The following GPC6 variants were observed in gnomAD, a reference collection of about 807,000 sequenced individuals.
GPC6 encodes the protein glypican 6, also known as glypican-6.
Under a neutral mutation model 55.2 loss-of-function variants are expected in GPC6, and 14 were observed. The ratio of observed to expected loss-of-function variants is 0.25; its 90% CI spans 0.17 to 0.40. The LOEUF is 0.40. Ranked by LOEUF, GPC6 falls within the 10% of genes least tolerant of loss-of-function variation. The pLI is 1.00. For missense variants in GPC6, 641 were observed against 708.5 expected (o/e 0.90, Z 1.08); for synonymous variants, 278 against 259.6 (o/e 1.07, Z -0.68).
chr13:94,246,116 T>C (rs1024705303), intron 4 of GPC6, among the ~76,000 whole-genome samples: 1 of 152,098 alleles, frequency 6.6e-6, no homozygotes, highest in East Asian at 1.9e-4. Flanking sequence ...TGATTAGGGA[T>C]CTTGTGTATC....
At chr13:93,501,887 A>G (rs1880533284) in intron 1 of GPC6, among the ~76,000 whole-genome samples, 1 of 152,142 alleles carries the variant, frequency 6.6e-6, no homozygotes, top group Non-Finnish European at 1.5e-5. Context: ...TCTTTTTTAC[A>G]GTTTTCAGAT....
intron 1 of GPC6, among the ~76,000 whole-genome samples, chr13:93,434,985 G>A (rs566332935): frequency 2.6e-5 from 4 of 152,308 alleles, no homozygotes; most frequent in East Asian, 3.9e-4. Context: ...GATTACAGGT[G>A]TGAGCCACTA....
chr13:94,214,622 A>T (rs1890174673), intron 4 of GPC6, among the ~76,000 whole-genome samples: 1 of 152,128 alleles, frequency 6.6e-6, no homozygotes, highest in Admixed American at 6.5e-5. Context: ...TTGGCCCTCT[A>T]TCTATTTACA....
intron 1 of GPC6, among the ~76,000 whole-genome samples, chr13:93,516,753 CAT>C (rs1299557564): frequency 6.6e-6 from 1 of 152,008 alleles, no homozygotes; most frequent in Non-Finnish European, 1.5e-5. Context: ...TGTATAAGAA[CAT>C]ATATGTGGGA....
intron 1 of GPC6, among the ~76,000 whole-genome samples, chr13:93,350,911 T>C (rs1880608412): frequency 6.6e-6 from 1 of 152,138 alleles, no homozygotes; most frequent in African/African-American, 2.4e-5. Flanking sequence ...TTTCAGATGA[T>C]GACAAAGAGT....
chr13:94,071,465 G>A (rs1047767764), intron 4 of GPC6, among the ~76,000 whole-genome samples: 11 of 152,092 alleles, frequency 7.2e-5, no homozygotes, highest in Non-Finnish European at 2.9e-5. Flanking sequence ...ACTTCCACAT[G>A]CCCTTTGTTC....
chr13:93,581,315 CAG>C (rs1876925980), intron 2 of GPC6, among the ~76,000 whole-genome samples: 1 of 152,138 alleles, frequency 6.6e-6, no homozygotes, highest in South Asian at 2.1e-4. Context: ...CACCTTTCAA[CAG>C]ATAAGAACAC....
chr13:94,107,314 G>A (rs539014533), intron 4 of GPC6, among the ~76,000 whole-genome samples: 21 of 152,204 alleles, frequency 1.4e-4, no homozygotes, highest in Non-Finnish European at 2.4e-4. Context: ...TCATTTTTCC[G>A]GAGTCTCTGT....
intron 1 of GPC6, among the ~76,000 whole-genome samples, chr13:93,393,130 A>ATATAT (rs1481831339): frequency 2.3e-5 from 1 of 43,150 alleles, no homozygotes; most frequent in African/African-American, 5.2e-5. Flanking sequence ...ATATATATAG[A>ATATAT]GAGAGAGAGA....
chr13:94,229,845 A>C (rs1328777059), intron 4 of GPC6, among the ~76,000 whole-genome samples: 2 of 152,222 alleles, frequency 1.3e-5, no homozygotes, highest in African/African-American at 4.8e-5. Flanking sequence ...CTCACTTGAA[A>C]ATCAACACTT....
At chr13:93,798,873 C>T (rs868707688) in intron 2 of GPC6, among the ~76,000 whole-genome samples, 2 of 141,766 alleles carry the variant, frequency 1.4e-5, no homozygotes, top group Non-Finnish European at 3.0e-5. Context: ...GAGCCAAGAT[C>T]GCACCACTGC....
intron 4 of GPC6, among the ~76,000 whole-genome samples, chr13:94,198,828 AC>A (rs1262212285): frequency 1.3e-5 from 2 of 152,042 alleles, no homozygotes; most frequent in East Asian, 3.8e-4. Flanking sequence ...TGTTTGCTCA[AC>A]CCCCTGCCGG....
At position 93,895,214 on chromosome 13, in the gene GPC6, G is replaced by A. The variant is rs866740574; in HGVS notation, c.711+64669G>A. ...TAAGTCCATATATATGTGTGTGTGT[G>A]TGTATGTATGTGTGTGTGTGTATAT... is the stretch of plus-strand genomic sequence containing the variant. On this transcript the variant is annotated intron_variant, in intron 3 of 8. Coordinates refer to ENST00000377047, the MANE Select transcript of GPC6 (RefSeq NM_005708.5). Among the ~76,000 whole-genome samples, 87 of 77,384 alleles carry A rather than the reference G, an allele frequency of 1.1e-3. 2 individuals carry two copies. The Middle Eastern group carries it at 0.044, about 39-fold the overall frequency. The allele number at this position is 77,384 out of a possible 152,430, so 50.8% of individuals were successfully genotyped here. A position where few individuals can be genotyped will look rare whatever the true frequency, so the allele number is the denominator to read the frequency against.
chr13:94,005,369 C>T (rs1374124584), intron 3 of GPC6, among the ~76,000 whole-genome samples: 2 of 152,190 alleles, frequency 1.3e-5, no homozygotes, highest in South Asian at 2.1e-4. Flanking sequence ...CAATGATCTG[C>T]ATAAAATAGT....
chr13:93,671,630 T>C (rs187688337), intron 2 of GPC6, among the ~76,000 whole-genome samples: 29 of 152,062 alleles, frequency 1.9e-4, no homozygotes, highest in Admixed American at 1.9e-3. Context: ...TTGGGTTCTC[T>C]GGTTTTTTTA....
chr13:93,827,197 G>A (rs556512440), intron 2 of GPC6, among the ~76,000 whole-genome samples: 5 of 152,288 alleles, frequency 3.3e-5, no homozygotes, highest in Non-Finnish European at 7.4e-5. Flanking sequence ...ATTAAAAAGA[G>A]TTCAGTTGAG....
intron 1 of GPC6, among the ~76,000 whole-genome samples, chr13:93,419,120 T>C (rs1452763139): frequency 6.6e-6 from 1 of 150,560 alleles, no homozygotes; most frequent in Non-Finnish European, 1.5e-5. Context: ...AAGCTATACA[T>C]ATTTTAGGAA....
chr13:94,339,899 GATTACAGGCA>G (rs1198048639), intron 6 of GPC6, among the ~76,000 whole-genome samples: 1 of 151,678 alleles, frequency 6.6e-6, no homozygotes, highest in African/African-American at 2.4e-5. Flanking sequence ...CAGTAGCTGG[GATTACAGGCA>G]TGCACCACCA....
chr13:93,702,364 G>C (rs774195430), intron 2 of GPC6, among the ~76,000 whole-genome samples: 5 of 152,060 alleles, frequency 3.3e-5, no homozygotes, highest in Non-Finnish European at 5.9e-5. Context: ...AAACAGAAGT[G>C]CTGACATCTG....
Sources: allele counts gnomAD v4.1 joint callset (sites outside exome capture counted in the v4.1 genomes callset), GRCh38; gene constraint gnomAD v4.1.1; transcripts MANE v1.5; gene names NCBI Gene and HGNC (gene_info 2026-07-23, HGNC 2026-07-21).